The following NFIA variants were observed in gnomAD, a reference collection of about 807,000 sequenced individuals.
The protein encoded by NFIA is nuclear factor I A, also known as nuclear factor 1 A-type.
A neutral mutation model predicts 62.8 loss-of-function variants in NFIA; 8 were observed. The ratio of observed to expected loss-of-function variants is 0.13; its 90% CI spans 0.07 to 0.23. NFIA has a LOEUF of 0.23. Ranked by LOEUF, NFIA falls within the 10% of genes least tolerant of loss-of-function variation. The probability of loss-of-function intolerance (pLI) is 1.00; values close to 1 mark genes in which losing one functional copy is unlikely to be tolerated. For missense variants in NFIA, 410 were observed against 642.1 expected, an observed-to-expected ratio of 0.64 and a Z score of 3.91; for synonymous variants, 235 against 238.1, an observed-to-expected ratio of 0.99 and a Z score of 0.12.
intron 3 of NFIA, among the ~76,000 whole-genome samples, chr1:61,322,356 T>C (rs780189065): frequency 1.6e-4 from 25 of 152,186 alleles, no homozygotes; most frequent in Non-Finnish European, 2.5e-4. Flanking sequence ...TTGAAATCTA[T>C]TTTTCTTTCT....
At chr1:61,300,490 C>T (rs1234919710) in intron 3 of NFIA, among the ~76,000 whole-genome samples, 1 of 152,034 alleles carries the variant, frequency 6.6e-6, no homozygotes, top group Non-Finnish European at 1.5e-5. Flanking sequence ...TTAAGCATGG[C>T]TATTTCTATA....
At chr1:61,200,018 A>ATGTG (rs1376010297) in intron 2 of NFIA, among the ~76,000 whole-genome samples, 1 of 9,420 alleles carries the variant, frequency 1.1e-4, no homozygotes, top group African/African-American at 3.8e-4. Flanking sequence ...ATGTATATAT[A>ATGTG]TATATATATA....
At chr1:61,218,957 C>A (rs763666818) in intron 2 of NFIA, among the ~76,000 whole-genome samples, 39 of 152,172 alleles carry the variant, frequency 2.6e-4, no homozygotes, top group Admixed American at 2.0e-3. Context: ...CTCAGCCAGG[C>A]GTGGTGGCTC....
At chr1:61,424,350 T>C (rs1352125560) in intron 9 of NFIA, among the ~76,000 whole-genome samples, 7 of 149,414 alleles carry the variant, frequency 4.7e-5, no homozygotes, top group Admixed American at 2.0e-4. Flanking sequence ...CACCCCCCCC[T>C]CAACCCCCAG....
chr1:61,176,647 CAT>C (rs1650366600), intron 2 of NFIA, among the ~76,000 whole-genome samples: 1 of 151,944 alleles, frequency 6.6e-6, no homozygotes, highest in South Asian at 2.1e-4. Context: ...AGAAAAACTA[CAT>C]AGATGAATAC....
At chr1:61,345,767 C>G (rs1444891748) in intron 4 of NFIA, among the ~76,000 whole-genome samples, 3 of 152,158 alleles carry the variant, frequency 2.0e-5, no homozygotes, top group African/African-American at 7.2e-5. Flanking sequence ...GAAATCACCC[C>G]CCTACTCTGA....
At chr1:61,190,685 T>TTTATG (rs1208272613) in intron 2 of NFIA, among the ~76,000 whole-genome samples, 3 of 152,366 alleles carry the variant, frequency 2.0e-5, no homozygotes, top group African/African-American at 7.2e-5. Context: ...GACCTGTAGT[T>TTTATG]ACACAGTTTC....
chr1:61,283,771 A>G (rs1446788088), intron 3 of NFIA, among the ~76,000 whole-genome samples: 3 of 151,904 alleles, frequency 2.0e-5, no homozygotes, highest in Non-Finnish European at 4.4e-5. Flanking sequence ...ACCTCCTCAC[A>G]TGTATAGTAG....
chr1:61,429,709 A>G (rs1226939607), intron 10 of NFIA, among the ~76,000 whole-genome samples: 1 of 152,264 alleles, frequency 6.6e-6, no homozygotes. Flanking sequence ...AATGTGGTCT[A>G]TACATAGAAT....
chr1:61,269,276 TTAA>T (rs1249296371), intron 2 of NFIA, among the ~76,000 whole-genome samples: 2 of 152,176 alleles, frequency 1.3e-5, no homozygotes, highest in Non-Finnish European at 1.5e-5. Flanking sequence ...GACAAATATT[TTAA>T]TAATAGAATT....
At chr1:61,230,473 G>A (rs959117471) in intron 2 of NFIA, among the ~76,000 whole-genome samples, 2 of 152,004 alleles carry the variant, frequency 1.3e-5, no homozygotes, top group Admixed American at 1.3e-4. Flanking sequence ...AGTTCCCCGA[G>A]TCCACCTTTT....
At chr1:61,410,175 A>G (rs1433337461) in intron 9 of NFIA, among the ~76,000 whole-genome samples, 4 of 152,252 alleles carry the variant, frequency 2.6e-5, no homozygotes, top group East Asian at 3.9e-4. Flanking sequence ...ATGTGAAGAC[A>G]TGGGAGGGAG....
chr1:61,383,168 A>G (rs536477950), intron 6 of NFIA, 69 bp from the exon 7 acceptor site: 1 of 1,549,816 alleles, frequency 6.5e-7, no homozygotes, highest in Admixed American at 1.8e-5. Flanking sequence ...TTTAAATGTT[A>G]TCTTTTAGGT....
intron 7 of NFIA, among the ~76,000 whole-genome samples, chr1:61,396,343 T>C (rs776287079): frequency 6.6e-6 from 1 of 152,110 alleles, no homozygotes; most frequent in African/African-American, 2.4e-5. Flanking sequence ...ACTCCTGGGA[T>C]TAAGCAATCC....
intron 9 of NFIA, among the ~76,000 whole-genome samples, chr1:61,413,365 ATTATC>A (rs1050039499): frequency 7.9e-5 from 12 of 152,128 alleles, no homozygotes; most frequent in Admixed American, 6.5e-4. Flanking sequence ...TTACATATGT[ATTATC>A]TTATCCCATC....
intron 2 of NFIA, among the ~76,000 whole-genome samples, chr1:61,110,745 C>T (rs1418136097): frequency 1.3e-5 from 2 of 152,090 alleles, no homozygotes; most frequent in Admixed American, 1.3e-4. Flanking sequence ...GAATACCACT[C>T]AGGCATTGGC....
intron 5 of NFIA, among the ~76,000 whole-genome samples, chr1:61,352,980 C>T (rs1662635253): frequency 2.6e-5 from 4 of 151,908 alleles, no homozygotes; most frequent in Admixed American, 2.6e-4. Flanking sequence ...GGATGATGAA[C>T]ATAACATGTT....
chr1:61,341,079 T>G (rs867780008), intron 4 of NFIA, among the ~76,000 whole-genome samples: 63 of 148,984 alleles, frequency 4.2e-4, no homozygotes, highest in African/African-American at 1.5e-3. Flanking sequence ...TTTTTTTTTT[T>G]TTGAGATGGA....
At chr1:61,181,317 G>A (rs369113243) in intron 2 of NFIA, among the ~76,000 whole-genome samples, 5 of 152,168 alleles carry the variant, frequency 3.3e-5, no homozygotes, top group East Asian at 3.8e-4. Flanking sequence ...TTAATGATGC[G>A]CCATGCCAAA....
Sources: allele counts gnomAD v4.1 joint callset (sites outside exome capture counted in the v4.1 genomes callset), GRCh38; gene constraint gnomAD v4.1.1; transcripts MANE v1.5; gene names NCBI Gene and HGNC (gene_info 2026-07-23, HGNC 2026-07-21).